Variants in RABGAP1L observed in about 807,000 individuals in gnomAD.
RABGAP1L encodes the protein RAB GTPase activating protein 1 like.
Under a neutral mutation model 137.7 loss-of-function variants are expected in RABGAP1L, and 63 were observed. The ratio of observed to expected loss-of-function variants is 0.46; its 90% CI spans 0.37 to 0.56. The LOEUF is 0.56. Among genes scored for constraint, RABGAP1L ranks in the 20% least tolerant of loss-of-function variants. The pLI is 0.00. For synonymous variants in RABGAP1L, 431 were observed against 433.7 expected (o/e 0.99, Z 0.08); for missense variants, 1,095 against 1,244.0 (o/e 0.88, Z 1.80).
intron 1 of RABGAP1L, among the ~76,000 whole-genome samples, chr1:174,207,923 C>T (rs970044089): frequency 1.1e-4 from 17 of 152,148 alleles, no homozygotes; most frequent in African/African-American, 4.1e-4. Context: ...AGTGCTCAAT[C>T]AGTCTCAACA....
intron 13 of RABGAP1L, among the ~76,000 whole-genome samples, chr1:174,622,287 T>A (rs998122310): frequency 3.3e-5 from 5 of 152,132 alleles, no homozygotes; most frequent in African/African-American, 1.2e-4. Context: ...ATTGTGGAAG[T>A]CAGTGTGGTG....
intron 19 of RABGAP1L, chr1:174,877,647 T>C: frequency 6.3e-7 from 1 of 1,583,082 alleles, no homozygotes. Context: ...TGTATTTTCT[T>C]TTCTAACATG....
At chr1:174,741,567 G>A (rs1683409808) in intron 17 of RABGAP1L, among the ~76,000 whole-genome samples, 1 of 152,002 alleles carries the variant, frequency 6.6e-6, no homozygotes, top group African/African-American at 2.4e-5. Context: ...TCACTCTGTT[G>A]CCTAGGCTGG....
intron 3 of RABGAP1L, 77 bp from the exon 4 acceptor site, chr1:174,231,068 T>C (rs1670606777): frequency 9.7e-7 from 1 of 1,033,026 alleles, no homozygotes; most frequent in East Asian, 2.4e-5. Flanking sequence ...TTTCATTTCT[T>C]TTTGGGCATT....
At chr1:174,635,524 C>T (rs1457439244) in intron 13 of RABGAP1L, among the ~76,000 whole-genome samples, 1 of 152,114 alleles carries the variant, frequency 6.6e-6, no homozygotes. Context: ...TTTATACTTA[C>T]CTTATTCTAT....
At chr1:174,595,551 G>C (rs1314169768) in intron 13 of RABGAP1L, among the ~76,000 whole-genome samples, 2 of 132,722 alleles carry the variant, frequency 1.5e-5, no homozygotes, top group African/African-American at 5.9e-5. Context: ...TGTCCTTTCT[G>C]GTTGTTAGTT....
At chr1:174,318,584 CTT>C (rs1491535539) in intron 11 of RABGAP1L, among the ~76,000 whole-genome samples, 8 of 95,748 alleles carry the variant, frequency 8.4e-5, no homozygotes, top group African/African-American at 1.4e-4. Context: ...TGATTGTTTT[CTT>C]TCTTTCTTTC....
chr1:174,641,404 G>A (rs1674524699), intron 14 of RABGAP1L, among the ~76,000 whole-genome samples: 1 of 152,052 alleles, frequency 6.6e-6, no homozygotes, highest in African/African-American at 2.4e-5. Flanking sequence ...TAATTTGTAT[G>A]GGGGAAGTTG....
At chr1:174,454,330 A>G (rs1454679624) in intron 13 of RABGAP1L, among the ~76,000 whole-genome samples, 3 of 152,184 alleles carry the variant, frequency 2.0e-5, no homozygotes, top group African/African-American at 7.2e-5. Flanking sequence ...GCTTATGTTG[A>G]TAGTACAAAT....
intron 1 of RABGAP1L, among the ~76,000 whole-genome samples, chr1:174,169,028 C>T (rs1364067305): frequency 1.3e-5 from 2 of 152,058 alleles, no homozygotes; most frequent in African/African-American, 4.8e-5. Flanking sequence ...TGAGAACATG[C>T]GGCATTTGAC....
intron 13 of RABGAP1L, among the ~76,000 whole-genome samples, chr1:174,509,046 T>C (rs886371535): frequency 6.6e-6 from 1 of 152,226 alleles, no homozygotes; most frequent in Admixed American, 6.5e-5. Flanking sequence ...AGTCTATTCA[T>C]GGCAAGGTAA....
intron 13 of RABGAP1L, among the ~76,000 whole-genome samples, chr1:174,559,076 C>G (rs934486207): frequency 1.3e-5 from 2 of 152,150 alleles, no homozygotes; most frequent in African/African-American, 4.8e-5. Flanking sequence ...AAAGGGGCAT[C>G]TAGTCAGTCA....
chr1:174,780,712 T>TTCCCCCCA (rs1686924670), intron 18 of RABGAP1L, among the ~76,000 whole-genome samples: 1 of 87,092 alleles, frequency 1.1e-5, no homozygotes, highest in Non-Finnish European at 2.3e-5. Flanking sequence ...ATGCTATCCC[T>TTCCCCCCA]CCCCCCCACC....
chr1:174,683,058 GTTTTTTTTTT>G (rs35576869), intron 14 of RABGAP1L, among the ~76,000 whole-genome samples: 1 of 111,640 alleles, frequency 9.0e-6, no homozygotes, highest in African/African-American at 3.5e-5. Flanking sequence ...TTCTAAAGGG[GTTTTTTTTTT>G]TTTTTTTTTT....
At chr1:174,509,359 C>A (rs1227544002) in intron 13 of RABGAP1L, among the ~76,000 whole-genome samples, 1 of 152,062 alleles carries the variant, frequency 6.6e-6, no homozygotes, top group South Asian at 2.1e-4. Flanking sequence ...TGTCTTATAT[C>A]AACTTTTTGT....
chr1:174,812,012 T>C, intron 19 of RABGAP1L, 52 bp downstream of exon 19: 1 of 1,459,486 alleles, frequency 6.9e-7, no homozygotes, highest in Non-Finnish European at 9.1e-7. Flanking sequence ...TGCAGAATAA[T>C]ATGACAAATT....
At chr1:174,194,472 G>A (rs982485436) in intron 1 of RABGAP1L, among the ~76,000 whole-genome samples, 1 of 152,112 alleles carries the variant, frequency 6.6e-6, no homozygotes, top group African/African-American at 2.4e-5. Context: ...CTGACCTCGT[G>A]ATCTGCTCAC....
At position 174,484,979 on chromosome 1, in the gene RABGAP1L, C is replaced by T. The variant is rs1201027095; in HGVS notation, c.1710+90834C>T. ...TTTAACAAGATTGAGTCTTCCGATA[C>T]ACGGACATGAAATATCTATCCATTT... On this transcript the variant is annotated intron_variant, in intron 13 of 25. Coordinates refer to ENST00000681986, the MANE Select transcript of RABGAP1L (RefSeq NM_001366446.1). 5.3e-5 allele frequency among the ~76,000 whole-genome samples: 8 copies of T among 152,152 alleles called. No individual in the cohort carries two copies. The East Asian group carries it at 1.5e-3, about 29-fold the overall frequency.
At chr1:174,534,775 C>CAAAAAAAAAAAAAAAAAAAAAAAAAA (rs71117567) in intron 13 of RABGAP1L, among the ~76,000 whole-genome samples, 13 of 71,624 alleles carry the variant, frequency 1.8e-4, no homozygotes, top group Non-Finnish European at 2.3e-4. Flanking sequence ...ACTCTGTCTC[C>CAAAAAAAAAAAAAAAAAAAAAAAAAA]AAAAAAAAAA....
Sources: gnomAD v4.1 joint callset for allele counts (sites outside exome capture counted in the v4.1 genomes callset) on GRCh38, gnomAD v4.1.1 for gene constraint, MANE v1.5 for transcripts, NCBI Gene and HGNC (gene_info 2026-07-23, HGNC 2026-07-21) for gene names.